PDE6D: variants seen among roughly 807,000 people sequenced by gnomAD.
PDE6D encodes retinal rod rhodopsin-sensitive cGMP 3',5'-cyclic phosphodiesterase subunit delta.
Under a neutral mutation model 21.9 loss-of-function variants are expected in PDE6D, and 10 were observed. That is an observed-to-expected ratio of 0.46 (90% confidence interval 0.28 to 0.78). The LOEUF is 0.78. Among genes scored for constraint, PDE6D ranks in the 30% least tolerant of loss-of-function variants. PDE6D has a pLI of 0.12. For missense variants in PDE6D, 139 were observed against 184.8 expected (o/e 0.75, Z 1.44); for synonymous variants, 59 against 63.5 (o/e 0.93, Z 0.34).
intron 1 of PDE6D, among the ~76,000 whole-genome samples, chr2:231,771,249 G>A (rs576916133): frequency 6.6e-6 from 1 of 152,174 alleles, no homozygotes; most frequent in Non-Finnish European, 1.5e-5. Flanking sequence ...GATTACAGGC[G>A]TGAGCCACCT....
intron 4 of PDE6D, among the ~76,000 whole-genome samples, chr2:231,734,193 G>A (rs192195873): frequency 1.3e-4 from 19 of 151,666 alleles, no homozygotes; most frequent in Middle Eastern, 3.4e-3. Context: ...CAGCCTCCGC[G>A]ACAGAGCGAG....
intron 1 of PDE6D, among the ~76,000 whole-genome samples, chr2:231,750,278 C>T (rs995968647): frequency 6.6e-6 from 1 of 152,102 alleles, no homozygotes; most frequent in African/African-American, 2.4e-5. Context: ...GTGTCTTTAT[C>T]AGCAGTGTTA....
chr2:231,771,518 G>A (rs73086893), intron 1 of PDE6D, among the ~76,000 whole-genome samples: 15,675 of 152,126 alleles, frequency 0.1, 1,015 homozygotes, highest in African/African-American at 0.18. Flanking sequence ...TTTAAAAACC[G>A]AAAAGCAGTA....
At chr2:231,765,496 T>C (rs535777241) in intron 1 of PDE6D, among the ~76,000 whole-genome samples, 1 of 152,260 alleles carries the variant, frequency 6.6e-6, no homozygotes, top group South Asian at 2.1e-4. Context: ...ACTCATAAAT[T>C]ATATATGGGC....
chr2:231,780,563 G>A (rs2049104600), intron 1 of PDE6D, among the ~76,000 whole-genome samples: 1 of 152,142 alleles, frequency 6.6e-6, no homozygotes, highest in Non-Finnish European at 1.5e-5. Context: ...TGGGGGACCT[G>A]AGAGAGTTTT....
At chr2:231,757,613 C>A (rs1027569713) in intron 1 of PDE6D, among the ~76,000 whole-genome samples, 1 of 152,110 alleles carries the variant, frequency 6.6e-6, no homozygotes, top group Non-Finnish European at 1.5e-5. Context: ...TTCTTAAATC[C>A]CCATATCAGT....
intron 1 of PDE6D, among the ~76,000 whole-genome samples, chr2:231,751,719 TG>T (rs1375787285): frequency 6.6e-6 from 1 of 152,238 alleles, no homozygotes; most frequent in Non-Finnish European, 1.5e-5. Flanking sequence ...ATGGGTTTTT[TG>T]GGAGGAAGAC....
chr2:231,750,467 T>TTTCA (rs2048829778), intron 1 of PDE6D, among the ~76,000 whole-genome samples: 1 of 151,320 alleles, frequency 6.6e-6, no homozygotes, highest in Non-Finnish European at 1.5e-5. Flanking sequence ...TATATGTCTA[T>TTTCA]TTCATCCATA....
At chr2:231,749,070 A>G (rs1464411995) in intron 1 of PDE6D, among the ~76,000 whole-genome samples, 1 of 152,198 alleles carries the variant, frequency 6.6e-6, no homozygotes, top group Non-Finnish European at 1.5e-5. Flanking sequence ...TGGAGCTGCG[A>G]GAAGAGGTCC....
chr2:231,735,915 C>A (rs1284616482), intron 4 of PDE6D, among the ~76,000 whole-genome samples: 2 of 151,616 alleles, frequency 1.3e-5, no homozygotes, highest in Non-Finnish European at 2.9e-5. Context: ...GTAATCCCAG[C>A]TACTTGGGAG....
At chr2:231,771,709 T>C (rs940263940) in intron 1 of PDE6D, among the ~76,000 whole-genome samples, 23 of 152,220 alleles carry the variant, frequency 1.5e-4, no homozygotes, top group African/African-American at 5.1e-4. Flanking sequence ...AACACTTCAA[T>C]ACTGAGTGTC....
intron 1 of PDE6D, among the ~76,000 whole-genome samples, chr2:231,741,390 A>G (rs1443359017): frequency 6.6e-6 from 1 of 152,178 alleles, no homozygotes; most frequent in African/African-American, 2.4e-5. Flanking sequence ...TAAGAAACTA[A>G]GGAAAATATG....
chr2:231,763,836 T>A (rs1219575731), intron 1 of PDE6D, among the ~76,000 whole-genome samples: 1 of 151,540 alleles, frequency 6.6e-6, no homozygotes, highest in African/African-American at 2.4e-5. Flanking sequence ...TGAGACAGAG[T>A]CTATGTTGCT....
At chr2:231,748,019 C>T (rs1332040129) in intron 1 of PDE6D, among the ~76,000 whole-genome samples, 8 of 152,068 alleles carry the variant, frequency 5.3e-5, no homozygotes, top group African/African-American at 1.7e-4. Context: ...TTTGTTGTTC[C>T]CAGTTTCGGG....
At chr2:231,773,662 A>G (rs1020874512) in intron 1 of PDE6D, among the ~76,000 whole-genome samples, 6 of 152,184 alleles carry the variant, frequency 3.9e-5, no homozygotes, top group Non-Finnish European at 7.3e-5. Flanking sequence ...GGACCAAACT[A>G]TGGGAGAAGA....
At chr2:231,751,743 A>G (rs2106271436) in intron 1 of PDE6D, among the ~76,000 whole-genome samples, 1 of 152,316 alleles carries the variant, frequency 6.6e-6, no homozygotes, top group Admixed American at 6.5e-5. Flanking sequence ...CAGAGATAGT[A>G]TCATTTTTAT....
intron 4 of PDE6D, among the ~76,000 whole-genome samples, chr2:231,734,534 G>A (rs573852223): frequency 6.6e-6 from 1 of 151,740 alleles, no homozygotes; most frequent in South Asian, 2.1e-4. Context: ...ATTTCTGCTG[G>A]TAATTAATTA....
At chr2:231,736,958 T>G (rs1411274854) in intron 4 of PDE6D, among the ~76,000 whole-genome samples, 1 of 152,228 alleles carries the variant, frequency 6.6e-6, no homozygotes, top group Non-Finnish European at 1.5e-5. Context: ...AAATCTGGTT[T>G]AATCTAAAGT....
intron 1 of PDE6D, among the ~76,000 whole-genome samples, chr2:231,742,713 G>C (rs1246072): frequency 0.079 from 11,983 of 152,152 alleles, 526 homozygotes; most frequent in African/African-American, 0.11. Flanking sequence ...TCTTCCCAAA[G>C]AAGAGAGTCT....
Sources: allele counts gnomAD v4.1 joint callset (sites outside exome capture counted in the v4.1 genomes callset), GRCh38; gene constraint gnomAD v4.1.1; transcripts MANE v1.5; gene names NCBI Gene and HGNC (gene_info 2026-07-23, HGNC 2026-07-21).